HID1: variants seen among roughly 807,000 people sequenced by gnomAD.
The protein encoded by HID1 is HID1 domain containing.
In HID1, 42 loss-of-function variants were observed where a neutral mutation model predicts 89.7. The ratio of observed to expected loss-of-function variants is 0.47; its 90% confidence interval spans 0.37 to 0.61. The LOEUF is 0.61. Among genes scored for constraint, HID1 ranks in the 20% least tolerant of loss-of-function variants. The pLI is 0.00. For missense variants in HID1, 854 were observed against 1,039.3 expected (o/e 0.82, Z 2.45); for synonymous variants, 442 against 433.8 (o/e 1.02, Z -0.24).
Position 74,952,315 on chromosome 17 carries a change from G to A in HID1, c.2098C>T (p.Leu700=). ...ACCTGCGGAACCAGCACCTGCAGCA[G>A]CCTCATGATGGTCTGCAGCGGCAGC... is the stretch of plus-strand genomic sequence containing the variant. ...SKLPLQTIMR[L]LQVLVPQVEK... The change falls in exon 17 of 19, where the codon CTG becomes TTG. Residue 700 remains leucine (L), a synonymous_variant. Coordinates refer to ENST00000425042, the MANE Select transcript of HID1 (RefSeq NM_030630.3). The A allele has an allele frequency of 1.2e-6, 2 of 1,613,980 alleles. No homozygotes were observed. Among genetic ancestry groups the A allele is most frequent in the Non-Finnish European group, 1.7e-6 (2 of 1,179,944 alleles).
In HID1 at chr17:74,972,681, GC is replaced by G; in HGVS notation, c.-26del. Reference sequence around the variant, plus strand: ...TGTCTCTGGAGCCCGCTCCGGCCCGGCCCCCGCCCAGACTCCAACCCGGCTC... The same window carrying G: ...TGTCTCTGGAGCCCGCTCCGGCCCGGCCCCGCCCAGACTCCAACCCGGCTC... On this transcript the variant is annotated 5_prime_UTR_variant, in exon 1 of 19. Transcript: ENST00000425042. The surrounding 1 kb of genome is among the most constrained non-coding windows in gnomAD (Gnocchi z 6.4). 1 of 1,528,070 alleles carries G rather than the reference GC, an allele frequency of 6.5e-7. No homozygotes were observed. The highest frequency in any genetic ancestry group is 1.4e-5 in the African/African-American group (1 of 70,198). 94.7% of individuals were successfully genotyped at this position (1,528,070 alleles called of 1,614,324 possible).
chr17:74,962,181 GC>G lies in HID1; in HGVS notation c.611+52del, dbSNP rs1567962711. ...CATGGGCTTTCTGAGCTGTGCGGGG[GC>G]CCGGCCCGGGGTCCAGCTGCATTGA... On this transcript the variant is annotated intron_variant, in intron 5 of 18. Transcript: ENST00000425042. This position sits in a 1 kb window ranked among gnomAD's most constrained non-coding sequence, Gnocchi z 4.3. 6.9e-7 allele frequency: 1 copy of G among 1,458,996 alleles called. No individual in the cohort carries two copies. Among genetic ancestry groups the G allele is most frequent in the Non-Finnish European group, 9.5e-7 (1 of 1,054,198 alleles). The allele number at this position is 1,458,996 out of a possible 1,614,324, so 90.4% of individuals were successfully genotyped here.
rs752788202 is a variant in HID1 at position 74,962,978 on chromosome 17, C to T, written c.491G>A (p.Arg164Gln). The T allele has an allele frequency of 2.5e-5, 40 of 1,612,006 alleles. No individual in the cohort carries two copies. The highest frequency in any genetic ancestry group is 4.4e-5 in the South Asian group (4 of 90,924). The change falls in exon 4 of 19, where the codon CGG becomes CAG. Residue 164 changes from arginine to glutamine, a missense_variant. Coordinates refer to ENST00000425042, the MANE Select transcript of HID1 (RefSeq NM_030630.3). This position sits in a 1 kb window ranked among gnomAD's most constrained non-coding sequence, Gnocchi z 4.3. ...GGGGACACTCACCACAGTGCTCCTCCGGTGGCTCTGAACCGTGAAGTCCGG... is the reference window on the plus strand; with the variant it reads ...GGGGACACTCACCACAGTGCTCCTCTGGTGGCTCTGAACCGTGAAGTCCGG... ...FCPDFTVQSH[R>Q]RSTVDSAEDV...
Position 74,959,871 on chromosome 17 carries a change from C to A in HID1, c.1008+10G>T, listed in dbSNP as rs2039451441. The A allele has an allele frequency of 1.9e-6, 3 of 1,613,482 alleles. No individual in the cohort carries two copies. Among genetic ancestry groups the A allele is most frequent in the South Asian group, 2.2e-5 (2 of 91,092 alleles). On this transcript the variant is annotated intron_variant, in intron 8 of 18. Coordinates refer to ENST00000425042, the MANE Select transcript of HID1 (RefSeq NM_030630.3). The surrounding 1 kb of genome is among the most constrained non-coding windows in gnomAD (Gnocchi z 4.6). ...GCACCCTGCAAAGCCACTGTGGGGA[C>A]TGGACTTGCCTCCTCACGATGGATG...
chr17:74,955,243 T>TTCCCTTTTA (rs1598618119), intron 13 of HID1, among the ~76,000 whole-genome samples: 1 of 152,362 alleles, frequency 6.6e-6, no homozygotes, highest in East Asian at 1.9e-4. Flanking sequence ...TACTCTGTAC[T>TTCCCTTTTA]TCCCTTTTAT....
intron 6 of HID1, among the ~76,000 whole-genome samples, chr17:74,961,009 C>T (rs73363102): frequency 0.034 from 5,221 of 151,638 alleles, 302 homozygotes; most frequent in African/African-American, 0.12. Context: ...CCTCCCTGCC[C>T]TTCGAGGTAT....
intron 13 of HID1, 42 bp from the exon 14 acceptor site, chr17:74,954,407 C>T: frequency 6.5e-7 from 1 of 1,548,680 alleles, no homozygotes; most frequent in South Asian, 1.2e-5. Flanking sequence ...AGGCCCCCTC[C>T]AGCTCCCCCC....
Position 74,959,784 on chromosome 17 carries a change from AGCAT to A in HID1, c.1008+93_1008+96del, listed in dbSNP as rs2144811833. On this transcript the variant is annotated intron_variant, in intron 8 of 18. Transcript: ENST00000425042. This position sits in a 1 kb window ranked among gnomAD's most constrained non-coding sequence, Gnocchi z 4.6. ...CCTAGGGTGGCCCCAGCCCACAGAG[AGCAT>A]GGTTCCTTCATGGAGGGGTCAGGAT... The A allele has an allele frequency of 7.6e-7, 1 of 1,312,762 alleles. No homozygotes were observed. Among genetic ancestry groups the A allele is most frequent in the Non-Finnish European group, 1.1e-6 (1 of 917,406 alleles). The allele number at this position is 1,312,762 out of a possible 1,614,324, so 81.3% of individuals were successfully genotyped here. A position where few individuals can be genotyped will look rare whatever the true frequency, so the allele number is the denominator to read the frequency against.
chr17:74,957,988 C>CTTTTTTTT, intron 12 of HID1, 153 bp downstream of exon 12: 1 of 573,556 alleles, frequency 1.7e-6, no homozygotes, highest in Admixed American at 3.1e-5. Flanking sequence ...TGTTGTCACC[C>CTTTTTTTT]TTTTTTTTTA....
Position 74,958,650 on chromosome 17 carries a change from T to TGCC in HID1, c.1240+22_1240+23insGGC. ...CTCGCCGCCAGGAAAGCCCCCAGCATCCCACCCCCACCCTGGTCTTACACT... is the reference window on the plus strand; with the variant it reads ...CTCGCCGCCAGGAAAGCCCCCAGCATGCCCCCACCCCCACCCTGGTCTTACACT... On this transcript the variant is annotated intron_variant, in intron 10 of 18. Transcript: ENST00000425042. The surrounding 1 kb of genome is among the most constrained non-coding windows in gnomAD (Gnocchi z 5.2). The TGCC allele has an allele frequency of 8.6e-7, 1 of 1,163,196 alleles. No homozygotes were observed. The highest frequency in any genetic ancestry group is 1.3e-6 in the Non-Finnish European group (1 of 775,028). 72.1% of individuals were successfully genotyped at this position (1,163,196 alleles called of 1,614,324 possible). A position where few individuals can be genotyped will look rare whatever the true frequency, so the allele number is the denominator to read the frequency against.
chr17:74,965,995 G>C (rs1434949246), intron 1 of HID1, among the ~76,000 whole-genome samples: 1 of 150,576 alleles, frequency 6.6e-6, no homozygotes, highest in Non-Finnish European at 1.5e-5. Context: ...ATGAATAAAA[G>C]ACTAGAAGAG....
rs2039445070 is a variant in HID1 at position 74,959,392 on chromosome 17, T to A, written c.1009-341A>T. Among the ~76,000 whole-genome samples the A allele has an allele frequency of 6.6e-6, 1 of 152,118 alleles. No homozygotes were observed. Among genetic ancestry groups the A allele is most frequent in the East Asian group, 1.9e-4 (1 of 5,196 alleles). ...CACCTTGGACTCATGGTTGGCAGGTTCCATCCTTCTACCCCTCCCCAAAAT... is the reference window on the plus strand; with the variant it reads ...CACCTTGGACTCATGGTTGGCAGGTACCATCCTTCTACCCCTCCCCAAAAT... On this transcript the variant is annotated intron_variant, in intron 8 of 18. Transcript: ENST00000425042. The surrounding 1 kb of genome is among the most constrained non-coding windows in gnomAD (Gnocchi z 4.6).
chr17:74,972,753 A>T lies in HID1; in HGVS notation c.-97T>A, dbSNP rs1452886933. 4.1e-6 allele frequency: 5 copies of T among 1,210,282 alleles called. No individual in the cohort carries two copies. Among genetic ancestry groups the T allele is most frequent in the Non-Finnish European group, 5.5e-6 (5 of 908,382 alleles). The allele number at this position is 1,210,282 out of a possible 1,614,324, so 75.0% of individuals were successfully genotyped here. Reference sequence around the variant, plus strand: ...GCTCCGCGGCCCCCGCGGCTCTCGCAGGAGACAAGCGGCGCGCCCCGCCCC... The same window carrying T: ...GCTCCGCGGCCCCCGCGGCTCTCGCTGGAGACAAGCGGCGCGCCCCGCCCC... On this transcript the variant is annotated 5_prime_UTR_variant, in exon 1 of 19. Coordinates refer to ENST00000425042, the MANE Select transcript of HID1 (RefSeq NM_030630.3). The surrounding 1 kb of genome is among the most constrained non-coding windows in gnomAD (Gnocchi z 6.4).
intron 1 of HID1, among the ~76,000 whole-genome samples, chr17:74,969,034 G>A (rs1398877707): frequency 6.6e-6 from 1 of 152,144 alleles, no homozygotes; most frequent in Non-Finnish European, 1.5e-5. Flanking sequence ...TGGACATTCG[G>A]ATTTGGTGAC....
intron 1 of HID1, among the ~76,000 whole-genome samples, chr17:74,967,455 C>T (rs8066022): frequency 0.015 from 2,277 of 151,986 alleles, 52 homozygotes; most frequent in African/African-American, 0.053. Context: ...AGGAGAATCA[C>T]TTGAACCCAG....
At chr17:74,956,491 C>T (rs1339148028) in intron 12 of HID1, among the ~76,000 whole-genome samples, 1 of 152,200 alleles carries the variant, frequency 6.6e-6, no homozygotes, top group South Asian at 2.1e-4. Context: ...GTCATTTTCC[C>T]TCACTAGGCT....
chr17:74,962,302 T>A lies in HID1; in HGVS notation c.543A>T (p.Glu181Asp). The A allele has an allele frequency of 6.2e-7, 1 of 1,612,456 alleles. No individual in the cohort carries two copies. Among genetic ancestry groups the A allele is most frequent in the Non-Finnish European group, 8.5e-7 (1 of 1,178,838 alleles). ...AGCCCACACCAGCCTCCCAGATGTATTCACAGCTGTCCAGGGAGTGGACGT... is the reference window on the plus strand; with the variant it reads ...AGCCCACACCAGCCTCCCAGATGTAATCACAGCTGTCCAGGGAGTGGACGT... ...AEDVHSLDSC[E>D]YIWEAGVGFA... Residue 181 changes from glutamate (E) to aspartate (D), a missense_variant, in exon 5 of 19, where the codon GAA becomes GAT. Coordinates refer to ENST00000425042, the MANE Select transcript of HID1 (RefSeq NM_030630.3). This position sits in a 1 kb window ranked among gnomAD's most constrained non-coding sequence, Gnocchi z 4.3.
Position 74,960,147 on chromosome 17 carries a change from C to T in HID1, c.830G>A (p.Arg277Gln), listed in dbSNP as rs1351988607. 1.9e-6 allele frequency: 3 copies of T among 1,613,884 alleles called. No individual in the cohort carries two copies. The highest frequency in any genetic ancestry group is 2.2e-5 in the East Asian group (1 of 44,890). Residue 277 changes from arginine (R) to glutamine (Q), a missense_variant, in exon 7 of 19, where the codon CGG becomes CAG. Coordinates refer to ENST00000425042, the MANE Select transcript of HID1 (RefSeq NM_030630.3). ...PYNHLLFSDY[R>Q]EPLVEEAAQV... ...GGCAGCCTCCTCCACCAGGGGTTCCCGGTAGTCAGAGAAGAGCAGGTGGTT... is the reference window on the plus strand; with the variant it reads ...GGCAGCCTCCTCCACCAGGGGTTCCTGGTAGTCAGAGAAGAGCAGGTGGTT...
rs777839089 is a variant in HID1 at position 74,959,033 on chromosome 17, T to C, written c.1027A>G (p.Lys343Glu). Reference protein sequence around the residue: ...HREEDFQFILKGIARLLSNPL... With the variant: ...HREEDFQFILEGIARLLSNPL... ...TTGGACAGCAGCCGGGCTATACCCT[T>C]GAGGATGAACTGGAAGTCCTGGGGG... Residue 343 changes from lysine (K) to glutamate (E), a missense_variant, in exon 9 of 19, where the codon AAG becomes GAG. By Grantham distance (56) the Lys-to-Glu change is moderately conservative (BLOSUM62 1). Transcript: ENST00000425042. The surrounding 1 kb of genome is among the most constrained non-coding windows in gnomAD (Gnocchi z 4.6). The C allele has an allele frequency of 6.3e-7, 1 of 1,575,644 alleles. No homozygotes were observed. The highest frequency in any genetic ancestry group is 8.6e-7 in the Non-Finnish European group (1 of 1,166,130).
Sources: allele counts gnomAD v4.1 joint callset (sites outside exome capture counted in the v4.1 genomes callset), GRCh38; gene constraint gnomAD v4.1.1; non-coding constraint Gnocchi (gnomAD v3.1); transcripts MANE v1.5; gene names NCBI Gene and HGNC (gene_info 2026-07-23, HGNC 2026-07-21).